The following DPP10 variants were observed in gnomAD, a reference collection of about 807,000 sequenced individuals.
The protein encoded by DPP10 is dipeptidyl peptidase like 10.
DPP10 carries 33 observed loss-of-function variants against 120.9 expected under a neutral mutation model. The ratio of observed to expected loss-of-function variants is 0.27; its 90% CI spans 0.21 to 0.37. The LOEUF is 0.37. Ranked by LOEUF, DPP10 falls within the 10% of genes least tolerant of loss-of-function variation. The probability of loss-of-function intolerance (pLI) is 1.00; values close to 1 mark genes in which losing one functional copy is unlikely to be tolerated. For synonymous variants in DPP10, 337 were observed against 326.1 expected, an observed-to-expected ratio of 1.03 and a Z score of -0.36; for missense variants, 816 against 942.8, an observed-to-expected ratio of 0.87 and a Z score of 1.76.
chr2:115,732,060 GC>G (rs35966226), intron 8 of DPP10, among the ~76,000 whole-genome samples: 12,904 of 152,088 alleles, frequency 0.085, 605 homozygotes, highest in South Asian at 0.13. Flanking sequence ...CCTAGGGAAT[GC>G]ATGTAATTTC....
intron 5 of DPP10, among the ~76,000 whole-genome samples, chr2:115,626,568 T>A (rs1050510815): frequency 1.3e-5 from 2 of 152,280 alleles, no homozygotes; most frequent in Middle Eastern, 3.4e-3. Context: ...ATAGTTGTAT[T>A]GGTGTGGTCA....
chr2:114,754,507 TTTTC>T (rs1679551956), intron 1 of DPP10, among the ~76,000 whole-genome samples: 1 of 152,216 alleles, frequency 6.6e-6, no homozygotes, highest in Admixed American at 6.5e-5. Flanking sequence ...GCATAGTTAT[TTTTC>T]TTTCTTTAAG....
At chr2:115,139,678 G>C (rs1284818806) in intron 1 of DPP10, among the ~76,000 whole-genome samples, 2 of 123,148 alleles carry the variant, frequency 1.6e-5, no homozygotes, top group African/African-American at 6.2e-5. Context: ...GGATGCTGCA[G>C]TTGAATAGCC....
intron 5 of DPP10, among the ~76,000 whole-genome samples, chr2:115,557,080 C>T (rs2080260799): frequency 6.6e-6 from 1 of 152,032 alleles, no homozygotes; most frequent in African/African-American, 2.4e-5. Context: ...TAGAGGTACC[C>T]CATGTATTCC....
intron 3 of DPP10, among the ~76,000 whole-genome samples, chr2:115,457,269 A>G (rs1044728988): frequency 1.3e-5 from 2 of 152,106 alleles, no homozygotes; most frequent in East Asian, 3.9e-4. Context: ...AATTCAGAAT[A>G]TAGAAGACCT....
intron 1 of DPP10, among the ~76,000 whole-genome samples, chr2:115,197,391 CA>C (rs757548532): frequency 0.024 from 2,369 of 100,286 alleles, 50 homozygotes; most frequent in African/African-American, 0.074. Flanking sequence ...GACTCCATCT[CA>C]AAAAAAAAAA....
chr2:115,664,034 GTATT>G (rs983288068), intron 5 of DPP10, among the ~76,000 whole-genome samples: 41 of 151,430 alleles, frequency 2.7e-4, no homozygotes, highest in African/African-American at 8.7e-4. Context: ...ATACATATAT[GTATT>G]TATCTACATT....
intron 1 of DPP10, among the ~76,000 whole-genome samples, chr2:114,884,796 G>A (rs1378849595): frequency 1.3e-5 from 2 of 151,950 alleles, no homozygotes; most frequent in African/African-American, 4.8e-5. Context: ...TCCCACTTAT[G>A]AGTGAGAACA....
intron 1 of DPP10, among the ~76,000 whole-genome samples, chr2:115,078,266 C>T (rs1444902665): frequency 6.6e-6 from 1 of 152,068 alleles, no homozygotes; most frequent in Non-Finnish European, 1.5e-5. Flanking sequence ...TCACACTAGT[C>T]AATATTAAAT....
intron 3 of DPP10, among the ~76,000 whole-genome samples, chr2:115,361,982 G>T (rs182622956): frequency 3.4e-5 from 4 of 116,240 alleles, no homozygotes; most frequent in Non-Finnish European, 5.7e-5. Context: ...ATGTATGTTT[G>T]TGTGTGTATG....
rs185266705 is a variant in DPP10 at position 115,634,698 on chromosome 2, G to A, written c.442-54989G>A. ...GGTTCTCCTCCAGTCAGGAGGCACCGGATGTGGGACTCACTAACTGAGGCA... is the reference window on the plus strand; with the variant it reads ...GGTTCTCCTCCAGTCAGGAGGCACCAGATGTGGGACTCACTAACTGAGGCA... On this transcript the variant is annotated intron_variant, in intron 5 of 25. Coordinates refer to ENST00000410059, the MANE Select transcript of DPP10 (RefSeq NM_020868.6). Among the ~76,000 whole-genome samples the A allele has an allele frequency of 7.8e-4, 119 of 152,266 alleles. 1 individual carries two copies. The South Asian group carries it at 0.014, about 18-fold the overall frequency.
At chr2:115,247,769 G>A (rs549145257) in intron 1 of DPP10, among the ~76,000 whole-genome samples, 2 of 152,148 alleles carry the variant, frequency 1.3e-5, no homozygotes, top group East Asian at 3.9e-4. Flanking sequence ...GAAGGTTGAT[G>A]ATGATGGAAA....
At chr2:115,214,490 G>A (rs141090608) in intron 1 of DPP10, among the ~76,000 whole-genome samples, 225 of 152,266 alleles carry the variant, frequency 1.5e-3, no homozygotes, top group Admixed American at 2.4e-3. Context: ...GATACACTGA[G>A]ATCATTTTCA....
intron 5 of DPP10, among the ~76,000 whole-genome samples, chr2:115,663,370 G>T (rs2089167754): frequency 6.6e-6 from 1 of 152,120 alleles, no homozygotes; most frequent in African/African-American, 2.4e-5. Flanking sequence ...TGTGCCTAAT[G>T]CATATGCATT....
chr2:114,561,566 C>T (rs553896366), intron 1 of DPP10, among the ~76,000 whole-genome samples: 1 of 152,100 alleles, frequency 6.6e-6, no homozygotes, highest in Non-Finnish European at 1.5e-5. Flanking sequence ...GGAGTCTTCT[C>T]TCACTATTAG....
At chr2:115,345,395 C>A (rs1425916663) in intron 3 of DPP10, among the ~76,000 whole-genome samples, 2 of 152,094 alleles carry the variant, frequency 1.3e-5, no homozygotes, top group South Asian at 2.1e-4. Context: ...TCCAAATACA[C>A]AAATCTCTCA....
intron 1 of DPP10, among the ~76,000 whole-genome samples, chr2:115,086,602 G>A (rs978769338): frequency 1.5e-4 from 23 of 151,926 alleles, no homozygotes; most frequent in African/African-American, 5.1e-4. Flanking sequence ...GACTACAGGC[G>A]CCCACCACTA....
intron 1 of DPP10, among the ~76,000 whole-genome samples, chr2:114,533,715 T>G (rs1327809098): frequency 6.6e-6 from 1 of 152,230 alleles, no homozygotes; most frequent in Non-Finnish European, 1.5e-5. Flanking sequence ...TATTAATTGC[T>G]AGTTTGCCCG....
At chr2:115,773,254 A>G (rs1424336733) in intron 13 of DPP10, among the ~76,000 whole-genome samples, 1 of 152,178 alleles carries the variant, frequency 6.6e-6, no homozygotes, top group South Asian at 2.1e-4. Context: ...AGAAATGTGA[A>G]TGAATAATGT....
Sources: gnomAD v4.1 joint callset for allele counts (sites outside exome capture counted in the v4.1 genomes callset) on GRCh38, gnomAD v4.1.1 for gene constraint, MANE v1.5 for transcripts, NCBI Gene and HGNC (gene_info 2026-07-23, HGNC 2026-07-21) for gene names.